The following ZNF480 variants were observed in gnomAD, a reference collection of about 807,000 sequenced individuals.
The protein encoded by ZNF480 is zinc finger protein 480.
A neutral mutation model predicts 14.4 loss-of-function variants in ZNF480; 15 were observed. The observed-to-expected ratio is 1.04, with a 90% confidence interval of 0.70 to 1.60. The LOEUF (loss-of-function observed/expected upper bound fraction) is 1.60. Ranked by LOEUF, ZNF480 falls within the 40% of genes most tolerant of loss-of-function variation. The probability of loss-of-function intolerance (pLI) is 0.00; values close to 1 mark genes in which losing one functional copy is unlikely to be tolerated. For missense variants in ZNF480, 593 were observed against 629.7 expected (o/e 0.94, Z 0.62); for synonymous variants, 218 against 215.5 (o/e 1.01, Z -0.10).
At chr19:52,305,891 C>T (rs557662019) in intron 2 of ZNF480, among the ~76,000 whole-genome samples, 1 of 152,242 alleles carries the variant, frequency 6.6e-6, no homozygotes, top group South Asian at 2.1e-4. Context: ...CCAGTGTTTT[C>T]GTTTTTTACA....
intron 2 of ZNF480, among the ~76,000 whole-genome samples, chr19:52,306,662 A>G (rs1982945930): frequency 6.6e-6 from 1 of 152,190 alleles, no homozygotes; most frequent in East Asian, 1.9e-4. Context: ...GTCCATATTG[A>G]TTAATAGCTT....
At chr19:52,302,988 C>A (rs1249123243) in intron 2 of ZNF480, among the ~76,000 whole-genome samples, 1 of 152,206 alleles carries the variant, frequency 6.6e-6, no homozygotes, top group African/African-American at 2.4e-5. Context: ...CTATTCCTAA[C>A]TGTGGTTTGT....
intron 3 of ZNF480, among the ~76,000 whole-genome samples, chr19:52,315,318 G>GT (rs1398497579): frequency 2.3e-4 from 35 of 150,210 alleles, no homozygotes; most frequent in African/African-American, 8.1e-4. Context: ...TTTGTTTTAT[G>GT]TTTTGTTTTT....
At chr19:52,314,486 A>C (rs561103379) in intron 3 of ZNF480, among the ~76,000 whole-genome samples, 3 of 151,038 alleles carry the variant, frequency 2.0e-5, no homozygotes, top group Admixed American at 6.6e-5. Flanking sequence ...AAAAAAAAAA[A>C]AAAAAAAAAA....
chr19:52,321,827 G>A lies in ZNF480; in HGVS notation c.577G>A (p.Glu193Lys). ...TGATGATTCTTCATTTCTCCCACAA[G>A]AACAGAAAGTACACCTTAGAGAAAA... ...DFDDSSFLPQ[E>K]QKVHLREKPY... Residue 193 changes from glutamate (E) to lysine (K), a missense_variant, in exon 5 of 5, where the codon GAA becomes AAA. Physicochemically the swap from Glu to Lys is moderately conservative, Grantham distance 56. Coordinates refer to ENST00000595962, the MANE Select transcript of ZNF480 (RefSeq NM_144684.4). 1 of 1,613,958 alleles carries A rather than the reference G, an allele frequency of 6.2e-7. No individual in the cohort carries two copies. Among genetic ancestry groups the A allele is most frequent in the Non-Finnish European group, 8.5e-7 (1 of 1,179,940 alleles).
chr19:52,303,677 A>G (rs1327670221), intron 2 of ZNF480, among the ~76,000 whole-genome samples: 1 of 152,220 alleles, frequency 6.6e-6, no homozygotes, highest in African/African-American at 2.4e-5. Context: ...TTGTTTTTCA[A>G]TGAGTTGTAA....
chr19:52,300,735 A>C (rs1442230530), intron 2 of ZNF480: 1 of 597,036 alleles, frequency 1.7e-6, no homozygotes, highest in East Asian at 2.8e-5. Context: ...TTCAGAGCTG[A>C]GAGCTGCGAA....
At chr19:52,314,387 G>A (rs142931435) in intron 3 of ZNF480, 108 bp downstream of exon 3, 3 of 1,077,392 alleles carry the variant, frequency 2.8e-6, no homozygotes, top group African/African-American at 3.5e-5. Context: ...CATTAAGCAG[G>A]AGAATCACTT....
intron 3 of ZNF480, among the ~76,000 whole-genome samples, 194 bp downstream of exon 3, chr19:52,314,473 C>A (rs1174046996): frequency 1.5e-5 from 1 of 66,206 alleles, no homozygotes; most frequent in Non-Finnish European, 2.5e-5. Context: ...AACTCCGTCC[C>A]AAAAAAAAAA....
rs773592234 is a variant in ZNF480, at chr19:52,322,314, T to A, written c.1064T>A (p.Ile355Asn). 2.5e-6 allele frequency: 4 copies of A among 1,606,508 alleles called. No homozygotes were observed. The South Asian group carries it at 4.4e-5, about 18-fold the overall frequency. The change falls in exon 5 of 5, where the codon ATT becomes AAT. Residue 355 changes from isoleucine to asparagine, a missense_variant. Physicochemically the swap from Ile to Asn is moderately radical, Grantham distance 149. Transcript: ENST00000595962. ...GAATGTGGCAAGGCCTTCTATAGGA[T>A]TGCGCTCCTTGTACGACATCAGAAA... ...CDECGKAFYR[I>N]ALLVRHQKIH...
chr19:52,304,634 G>T (rs1013816266), intron 2 of ZNF480, among the ~76,000 whole-genome samples: 1 of 151,972 alleles, frequency 6.6e-6, no homozygotes, highest in Non-Finnish European at 1.5e-5. Context: ...CCTTCTGCTT[G>T]AAGTGGTTTC....
chr19:52,323,044 G>A lies in ZNF480; in HGVS notation c.*186G>A. On this transcript the variant is annotated 3_prime_UTR_variant, in exon 5 of 5. Transcript: ENST00000595962. ...GAGAGACTTCACAATTATAATAAAT[G>A]TGTGGAAAAGTCTTCAAAAAAATTT... The A allele has an allele frequency of 2.1e-6, 1 of 474,274 alleles. No homozygotes were observed. The highest frequency in any genetic ancestry group is 3.5e-6 in the Non-Finnish European group (1 of 284,270). The allele number at this position is 474,274 out of a possible 1,614,324, so 29.4% of individuals were successfully genotyped here.
intron 2 of ZNF480, chr19:52,300,710 C>T: frequency 2.9e-6 from 2 of 691,078 alleles, no homozygotes; most frequent in East Asian, 5.5e-5. Context: ...AAAGTGGGAT[C>T]AGGGGCCAAC....
chr19:52,313,136 T>C (rs1217919764), intron 2 of ZNF480, among the ~76,000 whole-genome samples: 2 of 11,332 alleles, frequency 1.8e-4, no homozygotes, highest in Non-Finnish European at 4.1e-4. Context: ...TTCTTTCTCT[T>C]TTTTTTTTTT....
intron 1 of ZNF480, 26 bp downstream of exon 1, chr19:52,297,249 T>C (rs1982443552): frequency 4.5e-6 from 2 of 448,356 alleles, no homozygotes; most frequent in East Asian, 7.4e-5. Flanking sequence ...TGTAAATTAA[T>C]CTGCGCTTCC....
At position 52,297,502 on chromosome 19, in the gene ZNF480, C is replaced by T. The variant is rs181999400; in HGVS notation, c.-20+279C>T. 2.6e-3 allele frequency among the ~76,000 whole-genome samples: 395 copies of T among 152,158 alleles called. 3 individuals carry two copies. Among genetic ancestry groups the T allele is most frequent in the African/African-American group, 9.2e-3 (381 of 41,522 alleles). On this transcript the variant is annotated intron_variant, in intron 1 of 4. Coordinates refer to ENST00000595962, the MANE Select transcript of ZNF480 (RefSeq NM_144684.4). Reference sequence around the variant, plus strand: ...GTCCTTCAGTGATGCTTACATCCGCCCCGCACAGCGTAAAGTCCTCCCCCG... The same window carrying T: ...GTCCTTCAGTGATGCTTACATCCGCTCCGCACAGCGTAAAGTCCTCCCCCG...
Position 52,322,704 on chromosome 19 carries a change from G to A in ZNF480, c.1454G>A (p.Cys485Tyr). Residue 485 changes from cysteine (C) to tyrosine (Y), a missense_variant, in exon 5 of 5, where the codon TGT (cysteine) becomes TAT (tyrosine). Coordinates refer to ENST00000595962, the MANE Select transcript of ZNF480 (RefSeq NM_144684.4). ...CATACTGGAGAAAGACCTTACAAAT[G>A]TAATGAATGTGGCAAGGTCTTCAAT... ...RIHTGERPYK[C>Y]NECGKVFNRI... The A allele has an allele frequency of 6.2e-7, 1 of 1,613,694 alleles. No homozygotes were observed. Among genetic ancestry groups the A allele is most frequent in the African/African-American group, 1.3e-5 (1 of 74,992 alleles).
intron 2 of ZNF480, among the ~76,000 whole-genome samples, chr19:52,311,004 CAAAAAAAAAAAA>C (rs972255252): frequency 6.7e-5 from 4 of 59,896 alleles, no homozygotes; most frequent in African/African-American, 2.2e-4. Flanking sequence ...GATTCCGCCT[CAAAAAAAAAAAA>C]AAAAAAAAAA....
In ZNF480 at chr19:52,321,978, A is replaced by C; in HGVS notation, c.728A>C (p.Asn243Thr). Residue 243 changes from asparagine to threonine, a missense_variant, in exon 5 of 5, where the codon AAT becomes ACT. By Grantham distance (65) the Asn-to-Thr change is moderately conservative. Coordinates refer to ENST00000595962, the MANE Select transcript of ZNF480 (RefSeq NM_144684.4). ...CNSCGKVFSR[N>T]SHLAEHCRIH... ...TCATGCGGCAAGGTCTTTAGTCGCA[A>C]TTCACACCTTGCAGAACATTGTAGA... The C allele has an allele frequency of 6.2e-7, 1 of 1,612,448 alleles. No individual in the cohort carries two copies. Among genetic ancestry groups the C allele is most frequent in the South Asian group, 1.1e-5 (1 of 90,976 alleles).
Sources: gnomAD v4.1 joint callset for allele counts (sites outside exome capture counted in the v4.1 genomes callset) on GRCh38, gnomAD v4.1.1 for gene constraint, MANE v1.5 for transcripts, NCBI Gene and HGNC (gene_info 2026-07-23, HGNC 2026-07-21) for gene names.